MYO9A: variants seen among roughly 807,000 people sequenced by gnomAD.
The protein encoded by MYO9A is myosin IXA.
Under a neutral mutation model 293.3 loss-of-function variants are expected in MYO9A, and 103 were observed. That is an observed-to-expected ratio of 0.35 (90% CI 0.30 to 0.41). The LOEUF (loss-of-function observed/expected upper bound fraction) is 0.41, where lower values mean the gene tolerates loss of function less well. MYO9A is among the 10% of genes least tolerant of loss of function. MYO9A has a pLI of 1.00. For synonymous variants in MYO9A, 1,001 were observed against 1,035.7 expected, an observed-to-expected ratio of 0.97 and a Z score of 0.64; for missense variants, 2,685 against 3,033.0, an observed-to-expected ratio of 0.89 and a Z score of 2.69.
At chr15:72,070,413 A>G (rs1473174672) in intron 1 of MYO9A, among the ~76,000 whole-genome samples, 1 of 151,526 alleles carries the variant, frequency 6.6e-6, no homozygotes, top group Non-Finnish European at 1.5e-5. Flanking sequence ...AGATTGTGCC[A>G]CTGTACTCTG....
intron 34 of MYO9A, 43 bp downstream of exon 34, chr15:71,859,692 C>A: frequency 6.6e-7 from 1 of 1,517,580 alleles, no homozygotes; most frequent in Non-Finnish European, 9.1e-7. Flanking sequence ...CACAAAAGAC[C>A]AACAGGTCTG....
intron 4 of MYO9A, among the ~76,000 whole-genome samples, chr15:72,024,503 C>T (rs1267126068): frequency 6.6e-6 from 1 of 152,152 alleles, no homozygotes; most frequent in Non-Finnish European, 1.5e-5. Flanking sequence ...AACTCCTGGC[C>T]TCAAGTGATC....
At chr15:72,075,669 A>G (rs1451841584) in intron 1 of MYO9A, among the ~76,000 whole-genome samples, 3 of 152,062 alleles carry the variant, frequency 2.0e-5, no homozygotes, top group Non-Finnish European at 4.4e-5. Context: ...TCACGCCTGT[A>G]ATTCCAGCAC....
intron 8 of MYO9A, among the ~76,000 whole-genome samples, chr15:72,005,049 T>G (rs2076978236): frequency 6.6e-6 from 1 of 152,176 alleles, no homozygotes; most frequent in South Asian, 2.1e-4. Context: ...CTTAACCAAC[T>G]AGAGGCAATC....
At position 71,898,056 on chromosome 15, in the gene MYO9A, A is replaced by G; in HGVS notation, c.4447T>C (p.Ser1483Pro). 3 of 1,614,148 alleles carry G rather than the reference A, an allele frequency of 1.9e-6. No homozygotes were observed. Among genetic ancestry groups the G allele is most frequent in the Non-Finnish European group, 2.5e-6 (3 of 1,180,040 alleles). Residue 1483 changes from serine to proline, a missense_variant, in exon 25 of 42, where the codon TCT becomes CCT. This residue lies in a region of MYO9A where 1,434 missense variants were observed against 1,497.7 expected (regional missense o/e 0.96). Coordinates refer to ENST00000356056, the MANE Select transcript of MYO9A (RefSeq NM_006901.4). ...TCTAACTTCTTAAGCACAGGATTAG[A>G]AGACTCTGTATTCAAAGAAGGAACA... ...QIVPSLNTESSNPVLKKLEKL... is the reference protein window; with the variant it reads ...QIVPSLNTESPNPVLKKLEKL...
At chr15:72,080,939 C>T (rs1019954804) in intron 1 of MYO9A, among the ~76,000 whole-genome samples, 2 of 152,056 alleles carry the variant, frequency 1.3e-5, no homozygotes, top group African/African-American at 2.4e-5. Context: ...TATATATACA[C>T]CACATTTTCT....
chr15:71,977,815 A>G (rs2076180347), intron 12 of MYO9A, among the ~76,000 whole-genome samples: 1 of 152,184 alleles, frequency 6.6e-6, no homozygotes, highest in South Asian at 2.1e-4. Context: ...AGGCAGGTGG[A>G]TCATGAGGTC....
At chr15:71,949,552 T>A (rs1257805368) in intron 15 of MYO9A, among the ~76,000 whole-genome samples, 1 of 151,966 alleles carries the variant, frequency 6.6e-6, no homozygotes, top group Non-Finnish European at 1.5e-5. Flanking sequence ...CCACACAAGC[T>A]AAGCACAGGC....
At chr15:71,939,877 A>G (rs1180223155) in intron 15 of MYO9A, among the ~76,000 whole-genome samples, 2 of 152,204 alleles carry the variant, frequency 1.3e-5, no homozygotes, top group African/African-American at 4.8e-5. Context: ...CCTATGGAAT[A>G]ATTTAAAAAA....
Position 71,901,282 on chromosome 15 carries a change from A to G in MYO9A, c.3059T>C (p.Leu1020Pro), listed in dbSNP as rs1272209882. The G allele has an allele frequency of 6.2e-7, 1 of 1,613,912 alleles. No individual in the cohort carries two copies. The highest frequency in any genetic ancestry group is 8.5e-7 in the Non-Finnish European group (1 of 1,179,970). ...TCGCTGCAACAATATGATTCTGCGG[A>G]GCACCTCTTGGTGAAGCAGATCTTG... is the stretch of plus-strand genomic sequence containing the variant. Reference protein sequence around the residue: ...HLQDLLHQEVLRRIILLQRWF... With the variant: ...HLQDLLHQEVPRRIILLQRWF... The change falls in exon 23 of 42, where the codon CTC (leucine) becomes CCC (proline). Residue 1020 changes from leucine to proline, a missense_variant. Leu to Pro is a moderately conservative substitution (Grantham distance 98). This residue lies in a region of MYO9A where 1,434 missense variants were observed against 1,497.7 expected (regional missense o/e 0.96). Coordinates refer to ENST00000356056, the MANE Select transcript of MYO9A (RefSeq NM_006901.4).
chr15:71,846,376 A>C (rs2055388860), intron 39 of MYO9A, among the ~76,000 whole-genome samples: 1 of 152,174 alleles, frequency 6.6e-6, no homozygotes, highest in Non-Finnish European at 1.5e-5. Flanking sequence ...AAGAAAGACG[A>C]AAGGCAGAAG....
At chr15:71,882,044 T>A (rs939606544) in intron 28 of MYO9A, among the ~76,000 whole-genome samples, 10 of 152,148 alleles carry the variant, frequency 6.6e-5, no homozygotes, top group Non-Finnish European at 1.3e-4. Context: ...TTTCCACCAT[T>A]CTTTCCTCTG....
chr15:72,117,504 T>G (rs1291836386), intron 1 of MYO9A, among the ~76,000 whole-genome samples, 176 bp downstream of exon 1: 77 of 140,992 alleles, frequency 5.5e-4, no homozygotes, highest in African/African-American at 2.0e-3. Flanking sequence ...ATACAGGGGG[T>G]GGGGTCTACT....
At chr15:71,944,148 T>C (rs191749569) in intron 15 of MYO9A, among the ~76,000 whole-genome samples, 35 of 152,204 alleles carry the variant, frequency 2.3e-4, no homozygotes, top group Non-Finnish European at 3.7e-4. Flanking sequence ...AAATCTTCTT[T>C]TGTGGAAGTG....
chr15:72,072,842 C>T (rs572115708), intron 1 of MYO9A, among the ~76,000 whole-genome samples: 5 of 152,054 alleles, frequency 3.3e-5, no homozygotes, highest in South Asian at 2.1e-4. Flanking sequence ...CAAACTCCAG[C>T]GCTACACAAT....
intron 13 of MYO9A, among the ~76,000 whole-genome samples, chr15:71,961,816 A>C (rs892150961): frequency 6.6e-6 from 1 of 152,074 alleles, no homozygotes; most frequent in African/African-American, 2.4e-5. Context: ...TAACTCCTGG[A>C]CTCAGGCAAT....
At chr15:72,065,708 CA>C (rs956880557) in intron 1 of MYO9A, among the ~76,000 whole-genome samples, 3 of 150,646 alleles carry the variant, frequency 2.0e-5, no homozygotes, top group Non-Finnish European at 3.0e-5. Context: ...ATACACATAT[CA>C]AAAAAAAGAC....
chr15:71,848,980 G>A lies in MYO9A; in HGVS notation c.6714-12C>T, dbSNP rs1208168136. ...TCAGTTCCACACAACTGAAACAGAA[G>A]GAAAGAGAAAAAAACTGTTAAGAGG... On this transcript the variant is annotated splice_polypyrimidine_tract_variant and intron_variant, in intron 38 of 41. Coordinates refer to ENST00000356056, the MANE Select transcript of MYO9A (RefSeq NM_006901.4). 5.7e-6 allele frequency: 9 copies of A among 1,568,448 alleles called. No individual in the cohort carries two copies. Among genetic ancestry groups the A allele is most frequent in the Middle Eastern group, 1.7e-4 (1 of 5,856 alleles).
chr15:72,067,498 G>A (rs2079057086), intron 1 of MYO9A, among the ~76,000 whole-genome samples: 1 of 151,996 alleles, frequency 6.6e-6, no homozygotes, highest in Non-Finnish European at 1.5e-5. Flanking sequence ...GACCAGGCTG[G>A]TCTCAAACTC....
Sources: allele counts gnomAD v4.1 joint callset (sites outside exome capture counted in the v4.1 genomes callset), GRCh38; gene constraint gnomAD v4.1.1; regional missense constraint gnomAD v4.1.1; transcripts MANE v1.5; gene names NCBI Gene and HGNC (gene_info 2026-07-23, HGNC 2026-07-21).